Variants in HDAC4 observed in about 807,000 individuals in gnomAD.
HDAC4 encodes the protein histone deacetylase 4.
In HDAC4, 16 loss-of-function variants were observed where a neutral mutation model predicts 135.1. That is an observed-to-expected ratio of 0.12 (90% confidence interval 0.08 to 0.18). The LOEUF (loss-of-function observed/expected upper bound fraction) is 0.18, where lower values mean the gene tolerates loss of function less well. HDAC4 is among the 10% of genes least tolerant of loss of function. HDAC4 has a pLI of 1.00. For missense variants in HDAC4, 1,143 were observed against 1,511.8 expected, an observed-to-expected ratio of 0.76 and a Z score of 4.05; for synonymous variants, 685 against 653.4, an observed-to-expected ratio of 1.05 and a Z score of -0.74.
At chr2:239,179,626 G>A (rs541934548) in intron 4 of HDAC4, among the ~76,000 whole-genome samples, 10 of 152,316 alleles carry the variant, frequency 6.6e-5, no homozygotes, top group Admixed American at 2.6e-4. Context: ...ACCGATTGCC[G>A]CTCTACAACA....
chr2:239,109,379 C>G (rs371579685), intron 14 of HDAC4, among the ~76,000 whole-genome samples: 36 of 152,314 alleles, frequency 2.4e-4, no homozygotes, highest in East Asian at 1.7e-3. Context: ...CGGCCCTCCC[C>G]ACTTGTGTTC....
chr2:239,238,167 A>T (rs942350412), intron 2 of HDAC4, among the ~76,000 whole-genome samples: 9 of 152,332 alleles, frequency 5.9e-5, no homozygotes, highest in African/African-American at 2.2e-4. Flanking sequence ...GAGACCCCAG[A>T]TAGTGGTGGA....
chr2:239,155,681 C>G (rs961017696), intron 7 of HDAC4: 3 of 152,278 alleles, frequency 2.0e-5, no homozygotes, highest in African/African-American at 7.2e-5. Flanking sequence ...AGTACGTTCA[C>G]TGTTTCCGCC....
chr2:239,171,500 G>C (rs906167765), intron 5 of HDAC4, among the ~76,000 whole-genome samples: 7 of 152,210 alleles, frequency 4.6e-5, no homozygotes, highest in Non-Finnish European at 1.0e-4. Flanking sequence ...AAGAAACTTA[G>C]GGGATACTGA....
At chr2:239,276,029 G>GA (rs1308734530) in intron 2 of HDAC4, among the ~76,000 whole-genome samples, 1 of 152,172 alleles carries the variant, frequency 6.6e-6, no homozygotes, top group Non-Finnish European at 1.5e-5. Flanking sequence ...AGCCAGCGCA[G>GA]GCCAGGGACC....
At chr2:239,102,945 C>T (rs763131408) in intron 15 of HDAC4, 49 bp from the exon 16 acceptor site, 13 of 1,612,378 alleles carry the variant, frequency 8.1e-6, no homozygotes, top group Non-Finnish European at 1.1e-5. Context: ...GAAGCTGCTG[C>T]TTCAGCTCCA....
intron 22 of HDAC4, among the ~76,000 whole-genome samples, chr2:239,075,184 A>G (rs1413968907): frequency 7.8e-6 from 1 of 128,954 alleles, no homozygotes; most frequent in East Asian, 2.6e-4. Flanking sequence ...AGATCGCGCC[A>G]CTGCACTCCA....
intron 18 of HDAC4, among the ~76,000 whole-genome samples, chr2:239,087,849 G>A (rs2036133549): frequency 1.7e-5 from 2 of 118,150 alleles, no homozygotes; most frequent in Non-Finnish European, 3.5e-5. Flanking sequence ...CCCCCGAAAC[G>A]CAGTCACTAG....
intron 3 of HDAC4, among the ~76,000 whole-genome samples, chr2:239,228,073 G>A (rs1156304136): frequency 6.6e-6 from 1 of 152,200 alleles, no homozygotes; most frequent in African/African-American, 2.4e-5. Flanking sequence ...TTGAGCTGCA[G>A]GAAGGGCAGA....
intron 3 of HDAC4, chr2:239,190,880 G>C: frequency 4.5e-6 from 2 of 440,734 alleles, no homozygotes; most frequent in Non-Finnish European, 9.6e-6. Context: ...CAGGAAGAAG[G>C]GTAGGTTTAA....
chr2:239,085,031 GAGAC>G (rs1553609589), intron 19 of HDAC4, among the ~76,000 whole-genome samples: 74 of 138,698 alleles, frequency 5.3e-4, no homozygotes, highest in African/African-American at 1.5e-3. Context: ...GTTCCATACT[GAGAC>G]AGACAGACAC....
intron 1 of HDAC4, among the ~76,000 whole-genome samples, chr2:239,378,165 A>G (rs1256187560): frequency 1.3e-5 from 2 of 151,884 alleles, no homozygotes; most frequent in Admixed American, 6.6e-5. Flanking sequence ...GGCCCGGGAG[A>G]CACCTCTTGG....
intron 2 of HDAC4, among the ~76,000 whole-genome samples, chr2:239,330,848 C>T (rs1490973596): frequency 2.0e-5 from 3 of 152,160 alleles, no homozygotes; most frequent in Non-Finnish European, 4.4e-5. Context: ...GTATACTAAA[C>T]GTGGTATTTG....
intron 12 of HDAC4, among the ~76,000 whole-genome samples, chr2:239,124,703 G>GACATTCCGGTGTGCCGGCGTGTGGCCGCA (rs2040008405): frequency 1.2e-5 from 1 of 86,224 alleles, no homozygotes; most frequent in African/African-American, 4.5e-5. Context: ...GACATTCCAT[G>GACATTCCGGTGTGCCGGCGTGTGGCCGCA]TTATGTGACA....
chr2:239,101,204 A>G (rs934641484), intron 16 of HDAC4, among the ~76,000 whole-genome samples: 1 of 152,074 alleles, frequency 6.6e-6, no homozygotes, highest in Non-Finnish European at 1.5e-5. Flanking sequence ...TCCTTTTAGA[A>G]GCCTCCATAC....
intron 1 of HDAC4, among the ~76,000 whole-genome samples, chr2:239,388,452 T>A (rs1695975715): frequency 6.6e-6 from 1 of 152,214 alleles, no homozygotes. Context: ...CTCAGGCACC[T>A]GCCCACCTCT....
chr2:239,073,287 G>A (rs1381414584), intron 22 of HDAC4, among the ~76,000 whole-genome samples: 1 of 152,236 alleles, frequency 6.6e-6, no homozygotes, highest in Non-Finnish European at 1.5e-5. Flanking sequence ...GCTGTAGAAA[G>A]TGCTTTCCAA....
intron 7 of HDAC4, chr2:239,155,446 C>T (rs973349160): frequency 2.0e-5 from 3 of 150,634 alleles, no homozygotes; most frequent in Non-Finnish European, 4.4e-5. Flanking sequence ...TGGCCCACTC[C>T]ACCTGGGACA....
rs542755611 is a variant in HDAC4, at chr2:239,173,093, C to T, written c.490+3320G>A. On this transcript the variant is annotated intron_variant, in intron 5 of 26. Transcript: ENST00000543185. ...AAGATATTTATGGAAAAAGTAATAT[C>T]CATGTTAAATAAACTTTGCCAGAGA... Among the ~76,000 whole-genome samples, 5 of 152,162 alleles carry T rather than the reference C, an allele frequency of 3.3e-5. No individual in the cohort carries two copies. In the South Asian group the frequency reaches 1.0e-3, roughly 32 times the overall value.
Sources: gnomAD v4.1 joint callset for allele counts (sites outside exome capture counted in the v4.1 genomes callset) on GRCh38, gnomAD v4.1.1 for gene constraint, MANE v1.5 for transcripts, NCBI Gene and HGNC (gene_info 2026-07-23, HGNC 2026-07-21) for gene names.